The following PDK2 variants were observed in gnomAD, a reference collection of about 807,000 sequenced individuals.
PDK2 encodes the protein pyruvate dehydrogenase kinase 2.
Under a neutral mutation model 50.4 loss-of-function variants are expected in PDK2, and 34 were observed. The ratio of observed to expected loss-of-function variants is 0.68; its 90% confidence interval spans 0.51 to 0.90. PDK2 has a LOEUF of 0.90. Ranked by LOEUF, PDK2 falls within the 40% of genes least tolerant of loss-of-function variation. The pLI is 0.00. For synonymous variants in PDK2, 232 were observed against 216.0 expected (o/e 1.07, Z -0.65); for missense variants, 377 against 544.5 (o/e 0.69, Z 3.06).
intron 3 of PDK2, 142 bp from the exon 4 acceptor site, chr17:50,105,743 T>G: frequency 8.5e-7 from 1 of 1,174,082 alleles, no homozygotes. Flanking sequence ...AAGATCAGAG[T>G]GGGCTTTGGG....
At position 50,108,335 on chromosome 17, in the gene PDK2, CTG is replaced by C; in HGVS notation, c.782_783del (p.Val261GlyfsTer4). On this transcript the variant is annotated frameshift_variant, in exon 8 of 11. Transcript: ENST00000503176. LOFTEE classifies it high-confidence loss of function. ...CCTCCGCAGAATGCCATGAGGGCGA[CTG>C]TGGAAAGCCATGAGTCCAGCCTCAT... 1 of 1,614,024 alleles carries C rather than the reference CTG, an allele frequency of 6.2e-7. No individual in the cohort carries two copies. The highest frequency in any genetic ancestry group is 8.5e-7 in the Non-Finnish European group (1 of 1,179,920).
Position 50,106,883 on chromosome 17 carries a change from G to A in PDK2, c.607G>A (p.Asp203Asn). The change falls in exon 5 of 11, where the codon GAT becomes AAT. Residue 203 changes from aspartate to asparagine, a missense_variant and splice_region_variant. Coordinates refer to ENST00000503176, the MANE Select transcript of PDK2 (RefSeq NM_002611.5). ...PNCNVSEVVK[D>N]AYDMAKLLCD... The stretch of plus-strand genomic sequence containing the variant: ...CTGCAACGTCTCTGAGGTGGTCAAA[G>A]GTGAGCCATTCCCACGGTGCCTGGC... The A allele has an allele frequency of 1.2e-6, 2 of 1,613,702 alleles. No individual in the cohort carries two copies. The highest frequency in any genetic ancestry group is 1.7e-6 in the Non-Finnish European group (2 of 1,179,658).
At position 50,095,564 on chromosome 17, in the gene PDK2, G is replaced by C. The variant is rs1341546595; in HGVS notation, c.118+11G>C. On this transcript the variant is annotated intron_variant, in intron 1 of 10. Transcript: ENST00000503176. ...AGTTTCTGGACTTCGGTACGGAGTGGGCGGGAGGCGGCTGGCAGCGGAGGC... is the reference window on the plus strand; with the variant it reads ...AGTTTCTGGACTTCGGTACGGAGTGCGCGGGAGGCGGCTGGCAGCGGAGGC... 6.3e-7 allele frequency: 1 copy of C among 1,587,486 alleles called. No homozygotes were observed.
intron 1 of PDK2, chr17:50,095,897 T>G (rs1381769681): frequency 8.2e-6 from 6 of 728,450 alleles, no homozygotes; most frequent in East Asian, 2.2e-4. Context: ...GTTGTCCTCA[T>G]GACTGGAGGA....
At chr17:50,097,999 G>A (rs1910036756) in intron 2 of PDK2, among the ~76,000 whole-genome samples, 1 of 152,208 alleles carries the variant, frequency 6.6e-6, no homozygotes, top group African/African-American at 2.4e-5. Context: ...CTGCAAGACA[G>A]ACTGTTTTGG....
In PDK2 at chr17:50,097,576, G is replaced by T; in HGVS notation, c.260+12G>T. 6.2e-7 allele frequency: 1 copy of T among 1,611,622 alleles called. No homozygotes were observed. Among genetic ancestry groups the T allele is most frequent in the Admixed American group, 1.7e-5 (1 of 60,018 alleles). On this transcript the variant is annotated intron_variant, in intron 2 of 10. Transcript: ENST00000503176. ...CTGGTGCAGAGCTGGTGAGACCCCT[G>T]GCTCAGTCCCTGCACCTCCCACTCC...
intron 2 of PDK2, chr17:50,098,591 A>G (rs1179652639): frequency 6.6e-6 from 1 of 152,178 alleles, no homozygotes; most frequent in African/African-American, 2.4e-5. Flanking sequence ...AAAATGCACA[A>G]TAGTAGATAG....
chr17:50,096,508 AG>A (rs947312717), intron 1 of PDK2, among the ~76,000 whole-genome samples: 3 of 152,088 alleles, frequency 2.0e-5, no homozygotes, highest in African/African-American at 7.2e-5. Flanking sequence ...GGGAACAGAG[AG>A]GTGGCAGCCG....
In PDK2 at chr17:50,096,024, C is replaced by T. The variant is rs1234908379; in HGVS notation, c.118+471C>T. On this transcript the variant is annotated intron_variant, in intron 1 of 10. Transcript: ENST00000503176. The stretch of plus-strand genomic sequence containing the variant: ...CCTGGACTGGGCATGAAGGGTCAGA[C>T]ACCCCTGGGCAGAGGGTGAGATTAA... 5 of 744,338 alleles carry T rather than the reference C, an allele frequency of 6.7e-6. No individual in the cohort carries two copies. In the African/African-American group the frequency reaches 9.6e-5, roughly 14 times the overall value. 46.1% of individuals were successfully genotyped at this position (744,338 alleles called of 1,614,324 possible).
In PDK2 at chr17:50,101,121, T is replaced by G. The variant is rs758476839; in HGVS notation, c.260+3557T>G. On this transcript the variant is annotated intron_variant, in intron 2 of 10. Transcript: ENST00000503176. This position sits in a 1 kb window ranked among gnomAD's most constrained non-coding sequence, Gnocchi z 4.2. ...ACTGCTGTCACTAACAGGCTCTTTG[T>G]GGGGGCTGTAGGTGGGAGGCGATAT... is the stretch of plus-strand genomic sequence containing the variant. 6.6e-6 allele frequency: 1 copy of G among 152,172 alleles called. No individual in the cohort carries two copies. Among genetic ancestry groups the G allele is most frequent in the Non-Finnish European group, 1.5e-5 (1 of 68,038 alleles). The allele number at this position is 152,172 out of a possible 1,614,324, so 9.4% of individuals were successfully genotyped here.
chr17:50,110,209 C>A lies in PDK2; in HGVS notation c.*112C>A. The A allele has an allele frequency of 2.5e-6, 3 of 1,204,468 alleles. No individual in the cohort carries two copies. The highest frequency in any genetic ancestry group is 3.4e-6 in the Non-Finnish European group (3 of 879,936). The allele number at this position is 1,204,468 out of a possible 1,614,324, so 74.6% of individuals were successfully genotyped here. A position where few individuals can be genotyped will look rare whatever the true frequency, so the allele number is the denominator to read the frequency against. ...GCAGGGGGTGGGTTCTCCCTGATGACCAGGTTCTGTCTCTATGGAAGTCAC... is the reference window on the plus strand; with the variant it reads ...GCAGGGGGTGGGTTCTCCCTGATGAACAGGTTCTGTCTCTATGGAAGTCAC... On this transcript the variant is annotated 3_prime_UTR_variant, in exon 11 of 11. Coordinates refer to ENST00000503176, the MANE Select transcript of PDK2 (RefSeq NM_002611.5).
At position 50,110,191 on chromosome 17, in the gene PDK2, G is replaced by T; in HGVS notation, c.*94G>T. ...CACCATCCTCCTGGGGGAGCAGGGG[G>T]TGGGTTCTCCCTGATGACCAGGTTC... On this transcript the variant is annotated 3_prime_UTR_variant, in exon 11 of 11. Transcript: ENST00000503176. 1.5e-6 allele frequency: 2 copies of T among 1,373,046 alleles called. No individual in the cohort carries two copies. Among genetic ancestry groups the T allele is most frequent in the East Asian group, 2.6e-5 (1 of 39,212 alleles). The allele number at this position is 1,373,046 out of a possible 1,614,324, so 85.1% of individuals were successfully genotyped here. A position where few individuals can be genotyped will look rare whatever the true frequency, so the allele number is the denominator to read the frequency against.
chr17:50,106,961 C>G, intron 5 of PDK2, 78 bp downstream of exon 5: 1 of 1,473,988 alleles, frequency 6.8e-7, no homozygotes, highest in Non-Finnish European at 9.5e-7. Context: ...GAGGGTGACT[C>G]GTTCCTCAGT....
Position 50,103,320 on chromosome 17 carries a change from G to GT in PDK2, c.261-2051_261-2050insT, listed in dbSNP as rs576269179. ...GGGCCTGAGACAGCCCCCTTCGTGT[G>GT]GCAGTGGGGCAGGTCTCCAGGGCAC... On this transcript the variant is annotated intron_variant, in intron 2 of 10. Coordinates refer to ENST00000503176, the MANE Select transcript of PDK2 (RefSeq NM_002611.5). Among the ~76,000 whole-genome samples the GT allele has an allele frequency of 2.9e-3, 443 of 152,296 alleles. 2 individuals are homozygous for GT. The highest frequency in any genetic ancestry group is 0.01 in the African/African-American group (419 of 41,558).
chr17:50,106,228 G>T, intron 4 of PDK2, 159 bp downstream of exon 4: 1 of 1,408,342 alleles, frequency 7.1e-7, no homozygotes. Flanking sequence ...GCTCCAACAT[G>T]GAAAAATAAA....
intron 3 of PDK2, 147 bp from the exon 4 acceptor site, chr17:50,105,738 C>G (rs1910472964): frequency 1.8e-6 from 2 of 1,142,364 alleles, no homozygotes; most frequent in Non-Finnish European, 2.4e-6. Context: ...GCTAAAAGAT[C>G]AGAGTGGGCT....
intron 1 of PDK2, 29 bp downstream of exon 1, chr17:50,095,582 G>A: frequency 6.4e-7 from 1 of 1,560,944 alleles, no homozygotes; most frequent in Non-Finnish European, 8.7e-7. Context: ...GCGGCTGGCA[G>A]CGGAGGCCGG....
At chr17:50,108,463 C>A (rs372831385) in intron 8 of PDK2, 46 bp downstream of exon 8, 55 of 1,499,450 alleles carry the variant, frequency 3.7e-5, no homozygotes, top group Non-Finnish European at 5.0e-5. Context: ...GTAGTGGGGG[C>A]TTCCCTCCTG....
Position 50,110,286 on chromosome 17 carries a change from A to C in PDK2, c.*189A>C. 5.9e-6 allele frequency: 3 copies of C among 505,246 alleles called. No individual in the cohort carries two copies. Among genetic ancestry groups the C allele is most frequent in the South Asian group, 5.9e-5 (1 of 17,044 alleles). 31.3% of individuals were successfully genotyped at this position (505,246 alleles called of 1,614,324 possible). A position where few individuals can be genotyped will look rare whatever the true frequency, so the allele number is the denominator to read the frequency against. The stretch of plus-strand genomic sequence containing the variant: ...TAAGTGCCAGTCCATCTCTGTGGAG[A>C]CCCCTCGGTGGCCTCCCTATCTCTG... On this transcript the variant is annotated 3_prime_UTR_variant, in exon 11 of 11. Coordinates refer to ENST00000503176, the MANE Select transcript of PDK2 (RefSeq NM_002611.5).
Sources: gnomAD v4.1 joint callset for allele counts (sites outside exome capture counted in the v4.1 genomes callset) on GRCh38, gnomAD v4.1.1 for gene constraint, Gnocchi (gnomAD v3.1) non-coding constraint, MANE v1.5 for transcripts, NCBI Gene and HGNC (gene_info 2026-07-23, HGNC 2026-07-21) for gene names.